EDIL3: variants seen among roughly 807,000 people sequenced by gnomAD.
EDIL3 encodes the protein EGF-like repeat and discoidin I-like domain-containing protein 3.
Under a neutral mutation model 67.4 loss-of-function variants are expected in EDIL3, and 37 were observed. The observed-to-expected ratio is 0.55, with a 90% CI of 0.42 to 0.72. The LOEUF is 0.72. EDIL3 is among the 30% of genes least tolerant of loss of function. EDIL3 has a pLI of 0.00. For synonymous variants in EDIL3, 195 were observed against 196.3 expected (o/e 0.99, Z 0.05); for missense variants, 527 against 586.3 (o/e 0.90, Z 1.04).
intron 4 of EDIL3, among the ~76,000 whole-genome samples, chr5:84,162,998 C>G (rs936475713): frequency 2.0e-5 from 3 of 152,094 alleles, no homozygotes; most frequent in Non-Finnish European, 4.4e-5. Context: ...TAATAACATA[C>G]TTAATATCAA....
At chr5:84,305,452 C>A (rs146039542) in intron 1 of EDIL3, among the ~76,000 whole-genome samples, 1 of 152,294 alleles carries the variant, frequency 6.6e-6, no homozygotes, top group East Asian at 1.9e-4. Context: ...ATCCCAGGAG[C>A]CTTTTTAGAT....
chr5:84,346,130 T>C (rs1489837498), intron 1 of EDIL3, among the ~76,000 whole-genome samples: 1 of 133,832 alleles, frequency 7.5e-6, no homozygotes. Context: ...TCAAACTTTT[T>C]TTTTCTTTTT....
chr5:84,219,878 G>C (rs970115445), intron 3 of EDIL3, among the ~76,000 whole-genome samples: 2 of 152,060 alleles, frequency 1.3e-5, no homozygotes, highest in Admixed American at 6.6e-5. Flanking sequence ...GATAAACTTT[G>C]CATATTCTCA....
intron 9 of EDIL3, among the ~76,000 whole-genome samples, chr5:83,996,927 C>A (rs181261652): frequency 6.6e-6 from 1 of 152,266 alleles, no homozygotes; most frequent in Admixed American, 6.5e-5. Flanking sequence ...TTCATACATA[C>A]ATTTAAGTTT....
intron 1 of EDIL3, among the ~76,000 whole-genome samples, chr5:84,282,381 A>T (rs1016186653): frequency 2.6e-5 from 4 of 152,068 alleles, no homozygotes; most frequent in African/African-American, 9.7e-5. Context: ...CTTTCCTTCT[A>T]TATGTTGCTT....
intron 3 of EDIL3, among the ~76,000 whole-genome samples, chr5:84,207,940 A>C (rs752654154): frequency 5.3e-5 from 8 of 152,192 alleles, no homozygotes; most frequent in African/African-American, 9.7e-5. Context: ...AAACCATAAA[A>C]ACCCGAGAAG....
chr5:84,237,897 G>A (rs956978684), intron 2 of EDIL3, among the ~76,000 whole-genome samples: 1 of 152,034 alleles, frequency 6.6e-6, no homozygotes, highest in Admixed American at 6.6e-5. Flanking sequence ...AACTTCCAAT[G>A]TCTGATGTCC....
intron 4 of EDIL3, among the ~76,000 whole-genome samples, chr5:84,174,968 C>T (rs904655203): frequency 3.9e-5 from 6 of 152,100 alleles, no homozygotes. Context: ...ATGGTAAATC[C>T]ACCTGATAGC....
intron 2 of EDIL3, among the ~76,000 whole-genome samples, chr5:84,252,345 T>C (rs1032476568): frequency 2.0e-5 from 3 of 151,470 alleles, no homozygotes; most frequent in Non-Finnish European, 4.4e-5. Context: ...CAAAAAGAAA[T>C]TAGCCGGGCG....
At chr5:84,273,639 C>T (rs1299079428) in intron 1 of EDIL3, among the ~76,000 whole-genome samples, 1 of 152,110 alleles carries the variant, frequency 6.6e-6, no homozygotes, top group Non-Finnish European at 1.5e-5. Flanking sequence ...GCCACAGTGG[C>T]CTAAAACTTC....
intron 1 of EDIL3, among the ~76,000 whole-genome samples, chr5:84,327,121 G>A (rs1275043339): frequency 1.3e-5 from 2 of 151,748 alleles, no homozygotes; most frequent in Non-Finnish European, 2.9e-5. Context: ...ATTTTGTAGT[G>A]AGAACTCATA....
At chr5:84,075,666 A>G (rs1580314482) in intron 6 of EDIL3, among the ~76,000 whole-genome samples, 1 of 151,840 alleles carries the variant, frequency 6.6e-6, no homozygotes. Flanking sequence ...GTAGAGATGG[A>G]GTTTCTCCAT....
intron 3 of EDIL3, among the ~76,000 whole-genome samples, chr5:84,226,423 C>T (rs896320949): frequency 4.6e-5 from 7 of 151,594 alleles, no homozygotes; most frequent in Admixed American, 2.6e-4. Flanking sequence ...ATAACTATTC[C>T]TTTAAAAAAT....
At chr5:84,201,080 T>C (rs1743821855) in intron 3 of EDIL3, among the ~76,000 whole-genome samples, 1 of 152,112 alleles carries the variant, frequency 6.6e-6, no homozygotes, top group South Asian at 2.1e-4. Flanking sequence ...GTATCTTAAA[T>C]CTCAAATAAA....
chr5:84,018,698 C>T (rs933093238), intron 9 of EDIL3, among the ~76,000 whole-genome samples: 1 of 152,250 alleles, frequency 6.6e-6, no homozygotes, highest in Non-Finnish European at 1.5e-5. Context: ...TTCTCTACTC[C>T]TGTTAGCAAG....
intron 9 of EDIL3, among the ~76,000 whole-genome samples, chr5:83,995,736 T>C (rs915667423): frequency 1.3e-5 from 2 of 152,178 alleles, no homozygotes; most frequent in African/African-American, 2.4e-5. Context: ...TCCATTACCA[T>C]GTTTTATTCA....
Position 84,371,235 on chromosome 5 carries a change from T to A in EDIL3, c.67+13073A>T, listed in dbSNP as rs370683518. ...GGATAAGATGACCAGAGAGAGATTC[T>A]CCCAGGCTGTGCAGTTTAAGCTGAG... On this transcript the variant is annotated intron_variant, in intron 1 of 10. Coordinates refer to ENST00000296591, the MANE Select transcript of EDIL3 (RefSeq NM_005711.5). Among the ~76,000 whole-genome samples the A allele has an allele frequency of 2.7e-5, 4 of 149,756 alleles. No homozygotes were observed. The East Asian group carries it at 5.9e-4, about 22-fold the overall frequency.
intron 6 of EDIL3, among the ~76,000 whole-genome samples, chr5:84,070,028 A>G (rs1475870291): frequency 6.6e-6 from 1 of 152,002 alleles, no homozygotes; most frequent in Non-Finnish European, 1.5e-5. Flanking sequence ...GTGGATACCA[A>G]GGGGAATTTG....
chr5:84,131,962 G>A (rs1210686060), intron 5 of EDIL3, among the ~76,000 whole-genome samples: 2 of 151,904 alleles, frequency 1.3e-5, no homozygotes, highest in Non-Finnish European at 2.9e-5. Flanking sequence ...GCTGGGCACC[G>A]TGGCTCACAC....
Sources: allele counts gnomAD v4.1 joint callset (sites outside exome capture counted in the v4.1 genomes callset), GRCh38; gene constraint gnomAD v4.1.1; transcripts MANE v1.5; gene names NCBI Gene and HGNC (gene_info 2026-07-23, HGNC 2026-07-21).